The following AFG1L variants were observed in gnomAD, a reference collection of about 807,000 sequenced individuals.
AFG1L encodes AFG1-like ATPase.
A neutral mutation model predicts 62.2 loss-of-function variants in AFG1L; 53 were observed. The ratio of observed to expected loss-of-function variants is 0.85; its 90% confidence interval spans 0.68 to 1.07. AFG1L has a LOEUF of 1.07. Ranked by LOEUF, AFG1L falls within the 50% of genes least tolerant of loss-of-function variation. The probability of loss-of-function intolerance (pLI) is 0.00; values close to 1 mark genes in which losing one functional copy is unlikely to be tolerated. For synonymous variants in AFG1L, 228 were observed against 210.3 expected (o/e 1.08, Z -0.73); for missense variants, 555 against 590.5 (o/e 0.94, Z 0.62).
intron 6 of AFG1L, among the ~76,000 whole-genome samples, chr6:108,368,843 G>T (rs1258848570): frequency 6.6e-6 from 1 of 152,206 alleles, no homozygotes; most frequent in East Asian, 1.9e-4. Context: ...ATGTTTTGCA[G>T]CTCCTAGCTT....
At chr6:108,419,259 CA>C (rs1216949404) in intron 7 of AFG1L, among the ~76,000 whole-genome samples, 1 of 152,146 alleles carries the variant, frequency 6.6e-6, no homozygotes, top group African/African-American at 2.4e-5. Context: ...TTTTTGCACA[CA>C]ATGATAGATC....
chr6:108,429,387 T>C (rs1408999667), intron 7 of AFG1L, among the ~76,000 whole-genome samples: 1 of 152,122 alleles, frequency 6.6e-6, no homozygotes, highest in Non-Finnish European at 1.5e-5. Flanking sequence ...AACTCTCCTT[T>C]ATAAAACCAT....
intron 6 of AFG1L, among the ~76,000 whole-genome samples, chr6:108,372,098 A>G (rs1780034404): frequency 6.6e-6 from 1 of 151,668 alleles, no homozygotes; most frequent in Non-Finnish European, 1.5e-5. Flanking sequence ...TAGTAGTACT[A>G]TTATGTATGT....
intron 10 of AFG1L, among the ~76,000 whole-genome samples, chr6:108,490,353 C>T (rs1326342522): frequency 1.3e-5 from 2 of 152,076 alleles, no homozygotes; most frequent in South Asian, 2.1e-4. Context: ...AGAGAGACTT[C>T]GTCTCAAAAG....
chr6:108,309,809 TA>T (rs1052137335), intron 1 of AFG1L, among the ~76,000 whole-genome samples: 1 of 152,138 alleles, frequency 6.6e-6, no homozygotes, highest in Admixed American at 6.5e-5. Context: ...TATTAATAAT[TA>T]AAAAATTTTT....
Position 108,476,883 on chromosome 6 carries a change from G to A in AFG1L, c.909G>A (p.Val303=). 6.2e-7 allele frequency: 1 copy of A among 1,613,500 alleles called. No individual in the cohort carries two copies. Among genetic ancestry groups the A allele is most frequent in the Middle Eastern group, 1.7e-4 (1 of 6,058 alleles). Residue 303 remains valine (V), a synonymous_variant, in exon 9 of 13, where the codon GTG becomes GTA. Transcript: ENST00000368977. ...ACTGTAGCACAAGTGAAGCTGATGT[G>A]GAGGCTGTCATGGATAAGTTGTTTG... The part of the protein sequence containing the change: ...KLYYLTSEAD[V]EAVMDKLFDE...
intron 9 of AFG1L, 78 bp downstream of exon 9, chr6:108,477,013 C>T: frequency 7.7e-7 from 1 of 1,303,546 alleles, no homozygotes; most frequent in South Asian, 1.2e-5. Flanking sequence ...TTAATAAGTT[C>T]CATTGCTGTA....
chr6:108,431,803 C>T (rs902587906), intron 7 of AFG1L, among the ~76,000 whole-genome samples: 24 of 151,612 alleles, frequency 1.6e-4, no homozygotes, highest in Admixed American at 4.6e-4. Context: ...AGGCTGGTCT[C>T]GAACTCCTGA....
intron 6 of AFG1L, among the ~76,000 whole-genome samples, chr6:108,389,278 C>T (rs1431866724): frequency 3.3e-5 from 5 of 152,036 alleles, no homozygotes; most frequent in South Asian, 2.1e-4. Context: ...TGTCTCTGCA[C>T]GTGGGATGGG....
At chr6:108,349,007 C>G (rs916558328) in intron 3 of AFG1L, among the ~76,000 whole-genome samples, 2 of 152,070 alleles carry the variant, frequency 1.3e-5, no homozygotes, top group Non-Finnish European at 2.9e-5. Context: ...AGTTATTCAT[C>G]TGAGTGTTTG....
chr6:108,417,213 G>A (rs966884233), intron 7 of AFG1L, among the ~76,000 whole-genome samples: 19 of 149,404 alleles, frequency 1.3e-4, no homozygotes, highest in African/African-American at 4.7e-4. Flanking sequence ...CAGCGTGGGC[G>A]ACAGAGCAAG....
rs1778406049 is a variant in AFG1L at position 108,334,558 on chromosome 6, A to T, written c.363+10510A>T. Among the ~76,000 whole-genome samples, 6 of 145,758 alleles carry T rather than the reference A, an allele frequency of 4.1e-5. No individual in the cohort carries two copies. In the South Asian group the frequency reaches 1.3e-3, roughly 32 times the overall value. On this transcript the variant is annotated intron_variant, in intron 2 of 12. Transcript: ENST00000368977. ...TAAAAATTAAAAAATTAAAAAAAAAACAAATAGACTGTGGAAGGAGAATTA... is the reference window on the plus strand; with the variant it reads ...TAAAAATTAAAAAATTAAAAAAAAATCAAATAGACTGTGGAAGGAGAATTA...
At chr6:108,395,602 A>G (rs572563238) in intron 6 of AFG1L, among the ~76,000 whole-genome samples, 2 of 151,768 alleles carry the variant, frequency 1.3e-5, no homozygotes, top group Non-Finnish European at 2.9e-5. Context: ...GAGTTTCACC[A>G]TGTTGCCCAG....
chr6:108,319,184 G>A (rs926282707), intron 1 of AFG1L, among the ~76,000 whole-genome samples: 4 of 152,136 alleles, frequency 2.6e-5, no homozygotes, highest in South Asian at 2.1e-4. Flanking sequence ...TAAACAGTAC[G>A]TTTTACCCAC....
intron 7 of AFG1L, among the ~76,000 whole-genome samples, chr6:108,417,285 CACA>C (rs112644079): frequency 0.094 from 6,578 of 70,012 alleles, 478 homozygotes; most frequent in African/African-American, 0.31. Flanking sequence ...CACACACACA[CACA>C]AAAAAAAAAC....
chr6:108,500,629 T>C (rs1774159959), intron 10 of AFG1L, among the ~76,000 whole-genome samples: 2 of 152,192 alleles, frequency 1.3e-5, no homozygotes, highest in South Asian at 4.1e-4. Context: ...TTGATAAACG[T>C]GAGTGCAGGT....
chr6:108,305,316 G>T (rs1777161473), intron 1 of AFG1L, among the ~76,000 whole-genome samples: 1 of 152,142 alleles, frequency 6.6e-6, no homozygotes, highest in South Asian at 2.1e-4. Flanking sequence ...AACCAGGTGT[G>T]GTTTTTGTTC....
intron 7 of AFG1L, among the ~76,000 whole-genome samples, chr6:108,433,821 G>C (rs1771187621): frequency 6.6e-6 from 1 of 152,202 alleles, no homozygotes; most frequent in Non-Finnish European, 1.5e-5. Flanking sequence ...TGGAACTCCT[G>C]ATCTCAGGTG....
rs555390375 is a variant in AFG1L at position 108,508,990 on chromosome 6, C to G, written c.1063-1222C>G. 1.5e-4 allele frequency among the ~76,000 whole-genome samples: 23 copies of G among 152,278 alleles called. No individual in the cohort carries two copies. The South Asian group carries it at 4.6e-3, about 30-fold the overall frequency. The stretch of plus-strand genomic sequence containing the variant: ...AGGAGCTTCCAGAGGGACTTCAGAG[C>G]AGCTCCTGGGCCACTCAGTCTCTGC... On this transcript the variant is annotated intron_variant, in intron 10 of 12. Coordinates refer to ENST00000368977, the MANE Select transcript of AFG1L (RefSeq NM_145315.5).
Sources: allele counts gnomAD v4.1 joint callset (sites outside exome capture counted in the v4.1 genomes callset), GRCh38; gene constraint gnomAD v4.1.1; transcripts MANE v1.5; gene names NCBI Gene and HGNC (gene_info 2026-07-23, HGNC 2026-07-21).